The following NTSR1 variants were observed in gnomAD, a reference collection of about 807,000 sequenced individuals.
The protein encoded by NTSR1 is neurotensin receptor type 1.
In NTSR1, 29 loss-of-function variants were observed where a neutral mutation model predicts 31.2. That is an observed-to-expected ratio of 0.93 (90% CI 0.69 to 1.27). The LOEUF is 1.27. NTSR1 is among the 50% of genes most tolerant of loss of function. The pLI is 0.00. For synonymous variants in NTSR1, 282 were observed against 269.9 expected (o/e 1.04, Z -0.44); for missense variants, 697 against 595.4 (o/e 1.17, Z -1.78).
chr20:62,741,840 T>C lies in NTSR1; in HGVS notation c.715-12845T>C, dbSNP rs1989212530. 2.7e-5 allele frequency among the ~76,000 whole-genome samples: 4 copies of C among 149,288 alleles called. No individual in the cohort carries two copies. The Admixed American group carries it at 2.7e-4, about 10-fold the overall frequency. ...AAAGCTTCACCAGTGGGGATGAGGA[T>C]CTGCTCATAGGATGGCCCCTGATGG... On this transcript the variant is annotated intron_variant, in intron 1 of 3. Transcript: ENST00000370501. The surrounding 1 kb of genome is among the most constrained non-coding windows in gnomAD (Gnocchi z 4.3).
In NTSR1 at chr20:62,745,656, T is replaced by C. The variant is rs928894351; in HGVS notation, c.715-9029T>C. Among the ~76,000 whole-genome samples the C allele has an allele frequency of 2.6e-5, 4 of 152,032 alleles. No homozygotes were observed. The highest frequency in any genetic ancestry group is 9.7e-5 in the African/African-American group (4 of 41,338). ...ACACAGAGACATCACAGGAGAAAGA[T>C]ACAAAGACAGACAGAGACACATATT... On this transcript the variant is annotated intron_variant, in intron 1 of 3. Transcript: ENST00000370501. The surrounding 1 kb of genome is among the most constrained non-coding windows in gnomAD (Gnocchi z 4.1).
At chr20:62,753,575 C>T (rs945637043) in intron 1 of NTSR1, among the ~76,000 whole-genome samples, 3 of 152,206 alleles carry the variant, frequency 2.0e-5, no homozygotes, top group Admixed American at 2.0e-4. Flanking sequence ...CATGAGGATC[C>T]CGGGCAGCTT....
intron 1 of NTSR1, among the ~76,000 whole-genome samples, chr20:62,753,662 G>T (rs997980959): frequency 6.6e-6 from 1 of 152,240 alleles, no homozygotes; most frequent in African/African-American, 2.4e-5. Flanking sequence ...CCAAGATCTG[G>T]CTTGCAGAGA....
Position 62,759,639 on chromosome 20 carries a change from T to TG in NTSR1, c.1008-372dup, listed in dbSNP as rs902032547. ...AATACAAAAAATTAGCCGGGCGTGG[T>TG]GGGGGGGTCCCTGTAGTCCCAGCTA... On this transcript the variant is annotated intron_variant, in intron 3 of 3. Transcript: ENST00000370501. 5.1e-4 allele frequency among the ~76,000 whole-genome samples: 77 copies of TG among 151,606 alleles called. No homozygotes were observed. The South Asian group carries it at 6.3e-3, about 12-fold the overall frequency.
chr20:62,760,296 G>T lies in NTSR1; in HGVS notation c.*29G>T. ...GTGCGCCCCGGAACGTGTCCAGGAG[G>T]AGCCTGGCCATGGGTCCTTGCCCCC... On this transcript the variant is annotated 3_prime_UTR_variant, in exon 4 of 4. Coordinates refer to ENST00000370501, the MANE Select transcript of NTSR1 (RefSeq NM_002531.3). The T allele has an allele frequency of 6.3e-7, 1 of 1,577,104 alleles. No homozygotes were observed.
At position 62,744,738 on chromosome 20, in the gene NTSR1, A is replaced by C. The variant is rs560155028; in HGVS notation, c.715-9947A>C. ...GCAAAGCTCAGTCTCACAAAAAAAA[A>C]AGAGAGAAATGAGCCTGAGGCCCAG... On this transcript the variant is annotated intron_variant, in intron 1 of 3. Coordinates refer to ENST00000370501, the MANE Select transcript of NTSR1 (RefSeq NM_002531.3). The surrounding 1 kb of genome is among the most constrained non-coding windows in gnomAD (Gnocchi z 4.1). 3.9e-5 allele frequency among the ~76,000 whole-genome samples: 6 copies of C among 151,916 alleles called. No individual in the cohort carries two copies. The highest frequency in any genetic ancestry group is 1.5e-4 in the African/African-American group (6 of 41,358).
rs1362442404 is a variant in NTSR1, at chr20:62,744,168, G to A, written c.715-10517G>A. Among the ~76,000 whole-genome samples, 1 of 152,146 alleles carries A rather than the reference G, an allele frequency of 6.6e-6. No individual in the cohort carries two copies. The highest frequency in any genetic ancestry group is 6.5e-5 in the Admixed American group (1 of 15,272). On this transcript the variant is annotated intron_variant, in intron 1 of 3. Transcript: ENST00000370501. This position sits in a 1 kb window ranked among gnomAD's most constrained non-coding sequence, Gnocchi z 4.1. ...TCCCAGCCTCCCAAGCCGCAGTCCTGTGCCCCCCAATTTGCTTCCTTTCCC... is the reference window on the plus strand; with the variant it reads ...TCCCAGCCTCCCAAGCCGCAGTCCTATGCCCCCCAATTTGCTTCCTTTCCC...
intron 1 of NTSR1, among the ~76,000 whole-genome samples, chr20:62,736,573 A>C (rs955300468): frequency 6.6e-6 from 1 of 152,196 alleles, no homozygotes; most frequent in African/African-American, 2.4e-5. Context: ...CCAAACCTCC[A>C]GCAGAGCCCC....
At chr20:62,757,987 T>G (rs1353944235) in intron 2 of NTSR1, among the ~76,000 whole-genome samples, 4 of 151,492 alleles carry the variant, frequency 2.6e-5, no homozygotes, top group Non-Finnish European at 5.9e-5. Flanking sequence ...TCAGGTGCAG[T>G]GGGTCTCTGA....
chr20:62,759,774 C>CAAAAA (rs11403481), intron 3 of NTSR1, among the ~76,000 whole-genome samples: 2 of 131,220 alleles, frequency 1.5e-5, no homozygotes, highest in African/African-American at 6.1e-5. Flanking sequence ...GACTCCGTCT[C>CAAAAA]AAAAAAAAAA....
At chr20:62,731,454 TC>T (rs1989001112) in intron 1 of NTSR1, among the ~76,000 whole-genome samples, 1 of 152,172 alleles carries the variant, frequency 6.6e-6, no homozygotes, top group Non-Finnish European at 1.5e-5. Flanking sequence ...TGATGTTGCA[TC>T]TAAAAACTCA....
chr20:62,717,697 G>A (rs1468701885), intron 1 of NTSR1, among the ~76,000 whole-genome samples: 2 of 152,168 alleles, frequency 1.3e-5, no homozygotes, highest in Non-Finnish European at 2.9e-5. Context: ...CAGGCAGGAG[G>A]AATTCTCTTC....
intron 1 of NTSR1, among the ~76,000 whole-genome samples, chr20:62,735,782 C>T (rs936725927): frequency 3.3e-5 from 5 of 152,156 alleles, no homozygotes; most frequent in Admixed American, 6.5e-5. Flanking sequence ...ACACTGCGAC[C>T]GGGGACCAGG....
chr20:62,709,674 C>A lies in NTSR1; in HGVS notation c.467C>A (p.Ala156Asp). Residue 156 changes from alanine to aspartate, a missense_variant, in exon 1 of 4, where the codon GCC becomes GAC. Ala to Asp is a moderately radical substitution (Grantham distance 126, BLOSUM62 -2). Transcript: ENST00000370501. ...CGCGACGCCTGCACCTACGCCACGGCCCTCAACGTGGCCAGCCTGAGTGTG... is the reference window on the plus strand; with the variant it reads ...CGCGACGCCTGCACCTACGCCACGGACCTCAACGTGGCCAGCCTGAGTGTG... ...FLRDACTYAT[A>D]LNVASLSVER... The A allele has an allele frequency of 6.2e-7, 1 of 1,612,734 alleles. No individual in the cohort carries two copies. The highest frequency in any genetic ancestry group is 8.5e-7 in the Non-Finnish European group (1 of 1,179,882).
chr20:62,721,723 G>A (rs1784382771), intron 1 of NTSR1, among the ~76,000 whole-genome samples: 1 of 152,228 alleles, frequency 6.6e-6, no homozygotes, highest in African/African-American at 2.4e-5. Context: ...GGATCCCCTT[G>A]TTCAGCTCTC....
chr20:62,750,845 T>C (rs185621759), intron 1 of NTSR1, among the ~76,000 whole-genome samples: 63 of 152,220 alleles, frequency 4.1e-4, no homozygotes, highest in African/African-American at 1.5e-3. Flanking sequence ...AATGTATACA[T>C]AGATGACAAC....
At position 62,715,914 on chromosome 20, in the gene NTSR1, C is replaced by G. The variant is rs986766470; in HGVS notation, c.714+5993C>G. Among the ~76,000 whole-genome samples, 1 of 152,054 alleles carries G rather than the reference C, an allele frequency of 6.6e-6. No individual in the cohort carries two copies. Among genetic ancestry groups the G allele is most frequent in the Non-Finnish European group, 1.5e-5 (1 of 68,014 alleles). ...GAGAGGGCCCTGGGCTGAGCAGGGC[C>G]CGAGAGGACGTCCGACCTGTGCACG... is the stretch of plus-strand genomic sequence containing the variant. On this transcript the variant is annotated intron_variant, in intron 1 of 3. Coordinates refer to ENST00000370501, the MANE Select transcript of NTSR1 (RefSeq NM_002531.3). This position sits in a 1 kb window ranked among gnomAD's most constrained non-coding sequence, Gnocchi z 4.7.
At chr20:62,716,860 C>T (rs1051395769) in intron 1 of NTSR1, among the ~76,000 whole-genome samples, 1 of 152,240 alleles carries the variant, frequency 6.6e-6, no homozygotes, top group Non-Finnish European at 1.5e-5. Flanking sequence ...GTTCTTGGCG[C>T]TTGGTGGGGA....
chr20:62,746,337 C>T (rs1989300688), intron 1 of NTSR1, among the ~76,000 whole-genome samples: 1 of 152,160 alleles, frequency 6.6e-6, no homozygotes, highest in African/African-American at 2.4e-5. Flanking sequence ...CCGGAACCCC[C>T]AGCACTACTG....
Sources: gnomAD v4.1 joint callset for allele counts (sites outside exome capture counted in the v4.1 genomes callset) on GRCh38, gnomAD v4.1.1 for gene constraint, Gnocchi (gnomAD v3.1) non-coding constraint, MANE v1.5 for transcripts, NCBI Gene and HGNC (gene_info 2026-07-23, HGNC 2026-07-21) for gene names.